NCAN: variants seen among roughly 807,000 people sequenced by gnomAD.
NCAN encodes the protein neurocan core protein.
NCAN carries 47 observed loss-of-function variants against 121.8 expected under a neutral mutation model. That is an observed-to-expected ratio of 0.39 (90% CI 0.31 to 0.49). NCAN has a LOEUF of 0.49. Ranked by LOEUF, NCAN falls within the 20% of genes least tolerant of loss-of-function variation. The pLI, the probability that NCAN is intolerant of heterozygous loss-of-function variation, is 0.92. For synonymous variants in NCAN, 633 were observed against 702.0 expected, an observed-to-expected ratio of 0.90 and a Z score of 1.55; for missense variants, 1,517 against 1,773.4, an observed-to-expected ratio of 0.86 and a Z score of 2.60.
At chr19:19,240,799 G>T in intron 12 of NCAN, 114 bp downstream of exon 12, 1 of 1,016,844 alleles carries the variant, frequency 9.8e-7, no homozygotes, top group Non-Finnish European at 1.5e-6. Flanking sequence ...GGTCTCTAGT[G>T]GCTCCAAGAT....
At chr19:19,223,420 G>A (rs1002670069) in intron 3 of NCAN, among the ~76,000 whole-genome samples, 1 of 152,058 alleles carries the variant, frequency 6.6e-6, no homozygotes, top group African/African-American at 2.4e-5. Context: ...AGAACAATCA[G>A]ATTTGTTGTA....
At chr19:19,228,901 T>C (rs2060848229) in intron 8 of NCAN, among the ~76,000 whole-genome samples, 1 of 152,166 alleles carries the variant, frequency 6.6e-6, no homozygotes, top group Admixed American at 6.5e-5. Flanking sequence ...TACATCCCAA[T>C]GAACAAAGTG....
rs142498716 is a variant in NCAN, at chr19:19,248,789, C to A, written c.3727C>A (p.Gln1243Lys). Residue 1243 changes from glutamine to lysine, a missense_variant, in exon 14 of 15, where the codon CAG (glutamine) becomes AAG (lysine). By Grantham distance (53) the Gln-to-Lys change is moderately conservative (BLOSUM62 1). Transcript: ENST00000252575. ...KYNVHATVRYQCNEGFAQHHV... is the reference protein window; with the variant it reads ...KYNVHATVRYKCNEGFAQHHV... Reference sequence around the variant, plus strand: ...CAATGTCCATGCCACTGTAAGGTACCAGTGCAATGAAGGATTTGCCCAGCA... The same window carrying A: ...CAATGTCCATGCCACTGTAAGGTACAAGTGCAATGAAGGATTTGCCCAGCA... The A allele has an allele frequency of 1.2e-6, 2 of 1,614,196 alleles. No individual in the cohort carries two copies. Among genetic ancestry groups the A allele is most frequent in the African/African-American group, 2.7e-5 (2 of 75,032 alleles).
chr19:19,220,401 A>G (rs1248791456), intron 3 of NCAN, among the ~76,000 whole-genome samples: 2 of 149,392 alleles, frequency 1.3e-5, no homozygotes, highest in East Asian at 4.0e-4. Flanking sequence ...TTTAAGATGT[A>G]TATTAAATAT....
At chr19:19,245,292 C>T (rs772603750) in intron 12 of NCAN, 21 bp from the exon 13 acceptor site, 4 of 1,612,944 alleles carry the variant, frequency 2.5e-6, no homozygotes, top group Non-Finnish European at 2.5e-6. Flanking sequence ...CTGAACAACT[C>T]CCTGCCCCCT....
rs566666056 is a variant in NCAN, at chr19:19,235,961, G to A, written c.3250+865G>A. Among the ~76,000 whole-genome samples, 9 of 152,180 alleles carry A rather than the reference G, an allele frequency of 5.9e-5. No homozygotes were observed. In the South Asian group the frequency reaches 8.3e-4, roughly 14 times the overall value. On this transcript the variant is annotated intron_variant, in intron 10 of 14. Transcript: ENST00000252575. ...AAGGTTTCACCATGTTGCCCAGACTGGTCTTGAACTCCTGAGCTCAAGCAA... is the reference window on the plus strand; with the variant it reads ...AAGGTTTCACCATGTTGCCCAGACTAGTCTTGAACTCCTGAGCTCAAGCAA...
chr19:19,221,835 G>T (rs2060817891), intron 3 of NCAN, among the ~76,000 whole-genome samples: 1 of 152,128 alleles, frequency 6.6e-6, no homozygotes, highest in Admixed American at 6.6e-5. Context: ...AAGCTGCAGT[G>T]AGCTGAGATC....
chr19:19,227,585 T>C lies in NCAN; in HGVS notation c.1965T>C (p.Asn655=), dbSNP rs1236858427. The change falls in exon 8 of 15, where the codon AAT becomes AAC. Residue 655 remains asparagine (N), a synonymous_variant. Transcript: ENST00000252575. This position sits in a 1 kb window ranked among gnomAD's most constrained non-coding sequence, Gnocchi z 4.2. ...PHPTPISTEA[N]RVEAHGEATA... ...CCACCCCCATCTCCACCGAGGCCAA[T>C]AGAGTTGAGGCACATGGTGAGGCCA... is the stretch of plus-strand genomic sequence containing the variant. The C allele has an allele frequency of 3.1e-6, 5 of 1,613,746 alleles. No homozygotes were observed. Among genetic ancestry groups the C allele is most frequent in the Admixed American group, 1.7e-5 (1 of 60,014 alleles).
intron 10 of NCAN, among the ~76,000 whole-genome samples, chr19:19,237,549 A>G (rs1349777115): frequency 6.6e-6 from 1 of 151,824 alleles, no homozygotes; most frequent in Non-Finnish European, 1.5e-5. Context: ...GTGATATCTC[A>G]TGGTGGTTTT....
At position 19,219,095 on chromosome 19, in the gene NCAN, C is replaced by T. The variant is rs779909748; in HGVS notation, c.254C>T (p.Ser85Leu). The change falls in exon 3 of 15, where the codon TCG becomes TTG. Residue 85 changes from serine to leucine, a missense_variant. Coordinates refer to ENST00000252575, the MANE Select transcript of NCAN (RefSeq NM_004386.3). ...RIKWTKVRTA[S>L]GQRQDLPILV... ...AAGTGGACCAAGGTGCGGACTGCGT[C>T]GGGCCAGCGACAGGACTTGCCCATC... The T allele has an allele frequency of 9.3e-6, 15 of 1,612,352 alleles. No homozygotes were observed. Among genetic ancestry groups the T allele is most frequent in the South Asian group, 8.8e-5 (8 of 90,826 alleles).
At chr19:19,231,907 G>A (rs917241887) in intron 8 of NCAN, among the ~76,000 whole-genome samples, 2 of 151,880 alleles carry the variant, frequency 1.3e-5, no homozygotes, top group South Asian at 4.2e-4. Context: ...TTGACCCTGG[G>A]AGGTTGCAGC....
Position 19,219,285 on chromosome 19 carries a change from T to G in NCAN, c.444T>G (p.Asp148Glu). 1 of 1,575,358 alleles carries G rather than the reference T, an allele frequency of 6.3e-7. No homozygotes were observed. Residue 148 changes from aspartate (D) to glutamate (E), a missense_variant, in exon 3 of 15, where the codon GAT becomes GAG. Coordinates refer to ENST00000252575, the MANE Select transcript of NCAN (RefSeq NM_004386.3). ...GCCAGGTGGTGAGGGGCATCGAGGA[T>G]GAGCAGGACCTGGTGCCCTTGGAGG... ...YRCQVVRGIE[D>E]EQDLVPLEVT...
intron 11 of NCAN, chr19:19,238,930 A>G (rs1240393864): frequency 1.7e-5 from 3 of 181,010 alleles, no homozygotes; most frequent in Non-Finnish European, 3.5e-5. Flanking sequence ...TGATTTATTC[A>G]TTATCCCTCT....
chr19:19,241,573 C>T lies in NCAN; in HGVS notation c.3492+888C>T, dbSNP rs140251648. Among the ~76,000 whole-genome samples the T allele has an allele frequency of 3.9e-3, 586 of 151,928 alleles. 4 individuals are homozygous for T. The highest frequency in any genetic ancestry group is 0.013 in the African/African-American group (548 of 41,442). On this transcript the variant is annotated intron_variant, in intron 12 of 14. Transcript: ENST00000252575. ...AACATAGAAGCTGGGCACAGTGGTA[C>T]GAGCCTGTAGTCTCAGCTATCGGGA...
At chr19:19,231,979 C>CA (rs11389559) in intron 8 of NCAN, among the ~76,000 whole-genome samples, 14,364 of 143,858 alleles carry the variant, frequency 0.1, 1,345 homozygotes, top group African/African-American at 0.25. Flanking sequence ...GACTCCATCT[C>CA]AAAAAAAAAA....
chr19:19,233,764 C>A, intron 8 of NCAN, 25 bp from the exon 9 acceptor site: 1 of 1,469,004 alleles, frequency 6.8e-7, no homozygotes, highest in Non-Finnish European at 9.5e-7. Flanking sequence ...CTGACTCTTC[C>A]CCACACTACC....
intron 11 of NCAN, 154 bp downstream of exon 11, chr19:19,238,565 T>C: frequency 2.5e-6 from 2 of 798,802 alleles, no homozygotes; most frequent in South Asian, 1.7e-5. Flanking sequence ...TGCTTCTTAA[T>C]GCATGAAATC....
Position 19,237,753 on chromosome 19 carries a change from A to C in NCAN, c.3251-500A>C, listed in dbSNP as rs967127161. Among the ~76,000 whole-genome samples, 4 of 152,190 alleles carry C rather than the reference A, an allele frequency of 2.6e-5. No individual in the cohort carries two copies. In the South Asian group the frequency reaches 8.3e-4, roughly 32 times the overall value. On this transcript the variant is annotated intron_variant, in intron 10 of 14. Coordinates refer to ENST00000252575, the MANE Select transcript of NCAN (RefSeq NM_004386.3). The stretch of plus-strand genomic sequence containing the variant: ...TCTCTTCCAGAAACAAAGAAAAGAC[A>C]TTAAGATTTGGCCAGTGTGGTGGCT...
At chr19:19,235,906 C>T (rs1320591339) in intron 10 of NCAN, among the ~76,000 whole-genome samples, 1 of 152,154 alleles carries the variant, frequency 6.6e-6, no homozygotes, top group Non-Finnish European at 1.5e-5. Context: ...ACCACCATGC[C>T]TGGCTAATTT....
Sources: gnomAD v4.1 joint callset for allele counts (sites outside exome capture counted in the v4.1 genomes callset) on GRCh38, gnomAD v4.1.1 for gene constraint, Gnocchi (gnomAD v3.1) non-coding constraint, MANE v1.5 for transcripts, NCBI Gene and HGNC (gene_info 2026-07-23, HGNC 2026-07-21) for gene names.